BCKDHB: variants seen among roughly 807,000 people sequenced by gnomAD.
BCKDHB encodes the protein branched chain keto acid dehydrogenase E1 subunit beta.
BCKDHB carries 41 observed loss-of-function variants against 48.5 expected under a neutral mutation model. That is an observed-to-expected ratio of 0.85 (90% confidence interval 0.66 to 1.10). The LOEUF (loss-of-function observed/expected upper bound fraction) is 1.10. BCKDHB is among the 50% of genes least tolerant of loss of function. BCKDHB has a pLI of 0.00. For synonymous variants in BCKDHB, 201 were observed against 174.8 expected (o/e 1.15, Z -1.18); for missense variants, 496 against 494.2 (o/e 1.00, Z -0.03).
At chr6:80,136,691 C>G (rs142725018) in intron 3 of BCKDHB, among the ~76,000 whole-genome samples, 59 of 151,936 alleles carry the variant, frequency 3.9e-4, no homozygotes, top group Non-Finnish European at 7.2e-4. Flanking sequence ...AAAATACTTG[C>G]AAATCATGTA....
chr6:80,381,835 T>A, the BCKDHB span, among the ~76,000 whole-genome samples: 2 of 152,152 alleles, frequency 1.3e-5, no homozygotes, highest in African/African-American at 4.8e-5. Flanking sequence ...AGCTCTGTTC[T>A]TAAAAAGGGT....
At chr6:80,331,951 C>T (rs921619420) in intron 9 of BCKDHB, among the ~76,000 whole-genome samples, 4 of 150,190 alleles carry the variant, frequency 2.7e-5, no homozygotes, top group African/African-American at 4.9e-5. Flanking sequence ...TAAGCATGCT[C>T]ATTTGGGGGG....
At chr6:80,152,774 G>T (rs1225457721) in intron 3 of BCKDHB, among the ~76,000 whole-genome samples, 3 of 152,190 alleles carry the variant, frequency 2.0e-5, no homozygotes, top group Non-Finnish European at 2.9e-5. Context: ...TTGGCATGGT[G>T]AGTTGGTCCT....
At chr6:80,144,123 A>G (rs550124401) in intron 3 of BCKDHB, among the ~76,000 whole-genome samples, 168 of 152,282 alleles carry the variant, frequency 1.1e-3, no homozygotes, top group Non-Finnish European at 1.6e-3. Context: ...GAAACTCAAA[A>G]TCACTTCAGG....
Position 80,146,195 on chromosome 6 carries a change from A to G in BCKDHB, c.343+16966A>G, listed in dbSNP as rs1042470740. 3.3e-5 allele frequency among the ~76,000 whole-genome samples: 5 copies of G among 152,144 alleles called. No individual in the cohort carries two copies. In the South Asian group the frequency reaches 6.2e-4, roughly 19 times the overall value. ...AAATGTGCGGCCAAGTTTGAGAACT[A>G]CTGCTCTGGAAGGTACTAAAATTTT... On this transcript the variant is annotated intron_variant, in intron 3 of 9. Coordinates refer to ENST00000320393, the MANE Select transcript of BCKDHB (RefSeq NM_183050.4).
chr6:80,333,348 CT>C (rs1769416645), intron 9 of BCKDHB, among the ~76,000 whole-genome samples: 1 of 152,240 alleles, frequency 6.6e-6, no homozygotes, highest in Admixed American at 6.5e-5. Context: ...TTAAAGGAGA[CT>C]ATATAAACAG....
chr6:80,144,014 C>T (rs1771347006), intron 3 of BCKDHB, among the ~76,000 whole-genome samples: 1 of 152,126 alleles, frequency 6.6e-6, no homozygotes, highest in African/African-American at 2.4e-5. Context: ...CAAAAGGAAA[C>T]ACACAAACCT....
rs561661771 is a variant in BCKDHB, at chr6:80,235,698, G to A, written c.951+32486G>A. Among the ~76,000 whole-genome samples the A allele has an allele frequency of 7.7e-4, 117 of 152,312 alleles. No individual in the cohort carries two copies. In the South Asian group the frequency reaches 0.02, roughly 26 times the overall value. On this transcript the variant is annotated intron_variant, in intron 8 of 9. Coordinates refer to ENST00000320393, the MANE Select transcript of BCKDHB (RefSeq NM_183050.4). ...GAAATATTTGTGTGGAATAAAAATT[G>A]TGTTCTACCAATTCTCCTTGCAGTT... is the stretch of plus-strand genomic sequence containing the variant.
At chr6:80,312,997 G>T (rs1768244960) in intron 9 of BCKDHB, among the ~76,000 whole-genome samples, 1 of 152,174 alleles carries the variant, frequency 6.6e-6, no homozygotes, top group Admixed American at 6.5e-5. Context: ...GTTTCAGTAG[G>T]AATGGTACCA....
At chr6:80,413,663 T>G in the BCKDHB span, among the ~76,000 whole-genome samples, 1 of 152,236 alleles carries the variant, frequency 6.6e-6, no homozygotes, top group Admixed American at 6.5e-5. Flanking sequence ...TATTCCATGA[T>G]GCATATATAC....
At chr6:80,173,450 C>T (rs1038323487) in intron 6 of BCKDHB, among the ~76,000 whole-genome samples, 1 of 152,102 alleles carries the variant, frequency 6.6e-6, no homozygotes, top group African/African-American at 2.4e-5. Context: ...TCATATTAGT[C>T]TTCTCTAGAT....
At chr6:80,335,244 AAAAG>A (rs1769522093) in intron 9 of BCKDHB, among the ~76,000 whole-genome samples, 1 of 93,588 alleles carries the variant, frequency 1.1e-5, no homozygotes, top group African/African-American at 3.1e-5. Flanking sequence ...AAAAAAAAAA[AAAAG>A]AAGAAAAATT....
chr6:80,407,241 C>A, the BCKDHB span, among the ~76,000 whole-genome samples: 7 of 152,172 alleles, frequency 4.6e-5, no homozygotes, highest in Non-Finnish European at 7.3e-5. Flanking sequence ...CAATACCATG[C>A]TGTTTTGGTT....
chr6:80,448,043 A>G, the BCKDHB span, among the ~76,000 whole-genome samples: 10 of 152,232 alleles, frequency 6.6e-5, no homozygotes, highest in Non-Finnish European at 1.2e-4. Context: ...CATGGTAGGT[A>G]CTATGCAGAG....
At chr6:80,400,492 G>GA in the BCKDHB span, among the ~76,000 whole-genome samples, 2 of 151,988 alleles carry the variant, frequency 1.3e-5, no homozygotes, top group African/African-American at 2.4e-5. Context: ...CTGATCATTA[G>GA]AAAAATGCAA....
At chr6:80,248,406 T>C (rs892104857) in intron 8 of BCKDHB, among the ~76,000 whole-genome samples, 4 of 152,230 alleles carry the variant, frequency 2.6e-5, no homozygotes, top group African/African-American at 7.2e-5. Flanking sequence ...TTCTCTAGTA[T>C]TTTTTGAGCT....
intron 3 of BCKDHB, among the ~76,000 whole-genome samples, chr6:80,141,047 C>T (rs991062114): frequency 4.3e-4 from 66 of 152,182 alleles, no homozygotes; most frequent in African/African-American, 1.5e-3. Context: ...GTGTACGTGT[C>T]CAGGAATTTA....
At chr6:80,202,283 T>C (rs1425147003) in intron 7 of BCKDHB, among the ~76,000 whole-genome samples, 1 of 152,164 alleles carries the variant, frequency 6.6e-6, no homozygotes, top group African/African-American at 2.4e-5. Context: ...TCTCCAGGAC[T>C]GTAGTCTATT....
chr6:80,353,987 C>G, the BCKDHB span, among the ~76,000 whole-genome samples: 1 of 152,120 alleles, frequency 6.6e-6, no homozygotes, highest in African/African-American at 2.4e-5. Context: ...TGTATGTCTT[C>G]TTTTGAGAAA....
Sources: gnomAD v4.1 joint callset for allele counts (sites outside exome capture counted in the v4.1 genomes callset) on GRCh38, gnomAD v4.1.1 for gene constraint, MANE v1.5 for transcripts, NCBI Gene and HGNC (gene_info 2026-07-23, HGNC 2026-07-21) for gene names.